The following ERICH1 variants were observed in gnomAD, a reference collection of about 807,000 sequenced individuals.
The protein encoded by ERICH1 is glutamate-rich protein 1.
ERICH1 carries 56 observed loss-of-function variants against 39.6 expected under a neutral mutation model. The observed-to-expected ratio is 1.41, with a 90% CI of 1.14 to 1.77. The LOEUF (loss-of-function observed/expected upper bound fraction) is 1.77. Among genes scored for constraint, ERICH1 ranks in the 40% most tolerant of loss-of-function variants. The pLI, the probability that ERICH1 is intolerant of heterozygous loss-of-function variation, is 0.00. For synonymous variants in ERICH1, 313 were observed against 223.6 expected (o/e 1.40, Z -3.57); for missense variants, 826 against 575.4 (o/e 1.44, Z -4.45).
intron 1 of ERICH1, among the ~76,000 whole-genome samples, chr8:723,973 T>G (rs1398230413): frequency 6.6e-6 from 1 of 152,156 alleles, no homozygotes; most frequent in African/African-American, 2.4e-5. Flanking sequence ...CTTGAGGAGT[T>G]TCGTAACAGA....
At chr8:638,607 T>C (rs998047693) in intron 3 of ERICH1, among the ~76,000 whole-genome samples, 2 of 152,156 alleles carry the variant, frequency 1.3e-5, no homozygotes, top group African/African-American at 4.8e-5. Context: ...GAAACTGTCT[T>C]GCGATGGAAA....
intron 5 of ERICH1, among the ~76,000 whole-genome samples, chr8:664,965 A>G (rs755591945): frequency 1.3e-5 from 2 of 152,164 alleles, no homozygotes; most frequent in Non-Finnish European, 2.9e-5. Flanking sequence ...AAAACATCAC[A>G]TTGCAATATT....
chr8:616,620 G>A (rs1010784911), intron 3 of ERICH1: 16 of 454,904 alleles, frequency 3.5e-5, no homozygotes, highest in Non-Finnish European at 6.6e-5. Context: ...TGAGTGGGGA[G>A]AGGGAGGCAG....
chr8:706,294 C>T (rs1813259913), intron 2 of ERICH1, among the ~76,000 whole-genome samples: 1 of 152,308 alleles, frequency 6.6e-6, no homozygotes, highest in East Asian at 1.9e-4. Context: ...CCGCAGGATA[C>T]AAGGTCAATA....
At chr8:615,077 A>C in exon 4 of ERICH1, 1 of 587,140 alleles carries the variant, frequency 1.7e-6, no homozygotes, top group Non-Finnish European at 3.0e-6. Context: ...CGGCCACTGA[A>C]GATCTCAGCT....
At chr8:633,246 C>G (rs1330568922) in intron 3 of ERICH1, among the ~76,000 whole-genome samples, 1 of 152,104 alleles carries the variant, frequency 6.6e-6, no homozygotes, top group African/African-American at 2.4e-5. Flanking sequence ...CTTAGAAAAC[C>G]CCTCACATTC....
chr8:700,147 G>A (rs1316605919), intron 2 of ERICH1, among the ~76,000 whole-genome samples: 27 of 122,198 alleles, frequency 2.2e-4, no homozygotes, highest in African/African-American at 7.4e-4. Context: ...CCGCACAGGC[G>A]CACAGACCCG....
chr8:631,519 G>T (rs756064834), intron 3 of ERICH1, among the ~76,000 whole-genome samples: 1 of 152,180 alleles, frequency 6.6e-6, no homozygotes, highest in Non-Finnish European at 1.5e-5. Context: ...AAGTGGTGAC[G>T]GATTGGGCGA....
At chr8:631,775 G>A (rs1296103419) in intron 3 of ERICH1, among the ~76,000 whole-genome samples, 2 of 152,136 alleles carry the variant, frequency 1.3e-5, no homozygotes, top group Non-Finnish European at 2.9e-5. Context: ...CCCGAGAACT[G>A]CCATGTTTAC....
intron 2 of ERICH1, among the ~76,000 whole-genome samples, chr8:713,948 C>T (rs2132328719): frequency 6.9e-6 from 1 of 144,662 alleles, no homozygotes; most frequent in South Asian, 2.1e-4. Context: ...ACATGTGCTG[C>T]ACCCAGGCGG....
downstream of ERICH1, among the ~76,000 whole-genome samples, chr8:663,708 CATAG>C (rs979186821): frequency 2.6e-5 from 4 of 151,622 alleles, no homozygotes; most frequent in African/African-American, 4.8e-5. Context: ...AAAACCCTTT[CATAG>C]ATAGAGGCAC....
At chr8:691,383 G>A (rs1808872273) in intron 3 of ERICH1, among the ~76,000 whole-genome samples, 1 of 152,258 alleles carries the variant, frequency 6.6e-6, no homozygotes, top group Non-Finnish European at 1.5e-5. Context: ...GTTGGCTCAT[G>A]GCCAAGCGAG....
intron 3 of ERICH1, among the ~76,000 whole-genome samples, chr8:630,543 C>CACAG (rs56498663): frequency 9.1e-6 from 1 of 110,088 alleles, no homozygotes; most frequent in Non-Finnish European, 1.8e-5. Context: ...TGAGCACCCA[C>CACAG]ACAGAGCTGA....
chr8:629,033 T>G (rs1797760154), intron 3 of ERICH1, among the ~76,000 whole-genome samples: 1 of 152,114 alleles, frequency 6.6e-6, no homozygotes. Flanking sequence ...CTCGGGGCCA[T>G]GCAAACCCAG....
Position 714,655 on chromosome 8 carries a change from G to C in ERICH1, c.169+1206C>G, listed in dbSNP as rs375803020. Among the ~76,000 whole-genome samples the C allele has an allele frequency of 1.3e-3, 5 of 3,908 alleles. 1 individual carries two copies. The highest frequency in any genetic ancestry group is 4.2e-3 in the Admixed American group (3 of 712). The allele number at this position is 3,908 out of a possible 152,430, so 2.6% of individuals were successfully genotyped here. A position where few individuals can be genotyped will look rare whatever the true frequency, so the allele number is the denominator to read the frequency against. ...GTGCTGCACCCAGGCGGCCTCTTCC[G>C]GCATCTCTCGGTGGGATGTGCTGCA... On this transcript the variant is annotated intron_variant, in intron 2 of 5. Transcript: ENST00000262109.
chr8:730,522 G>C (rs1470464565), intron 1 of ERICH1, among the ~76,000 whole-genome samples: 1 of 152,216 alleles, frequency 6.6e-6, no homozygotes, highest in East Asian at 1.9e-4. Context: ...GGGTTTGCAG[G>C]AAGCAGGAGC....
intron 3 of ERICH1, among the ~76,000 whole-genome samples, chr8:689,808 C>G (rs895856878): frequency 3.9e-5 from 6 of 152,194 alleles, no homozygotes; most frequent in African/African-American, 1.4e-4. Context: ...ATTTTGAGCA[C>G]AACGTGCTTA....
rs112312516 is a variant in ERICH1, at chr8:676,459, A to G, written c.305-2412T>C. 8.0e-4 allele frequency among the ~76,000 whole-genome samples: 35 copies of G among 43,772 alleles called. 1 individual carries two copies. The highest frequency in any genetic ancestry group is 5.9e-3 in the East Asian group (5 of 848). 28.7% of individuals were successfully genotyped at this position (43,772 alleles called of 152,430 possible). On this transcript the variant is annotated intron_variant, in intron 3 of 5. Coordinates refer to ENST00000262109, the MANE Select transcript of ERICH1 (RefSeq NM_207332.3). ...CGGCGGCCCCTCGGCGAGGACAGAG[A>G]CGCGGCGGCCCCTCGGCGAGGACAG... is the stretch of plus-strand genomic sequence containing the variant.
At chr8:684,075 T>C (rs1806762226) in intron 3 of ERICH1, among the ~76,000 whole-genome samples, 1 of 152,244 alleles carries the variant, frequency 6.6e-6, no homozygotes, top group South Asian at 2.1e-4. Flanking sequence ...ATAAAACAGC[T>C]TGATAGATAC....
Sources: allele counts gnomAD v4.1 joint callset (sites outside exome capture counted in the v4.1 genomes callset), GRCh38; gene constraint gnomAD v4.1.1; transcripts MANE v1.5; gene names NCBI Gene and HGNC (gene_info 2026-07-23, HGNC 2026-07-21).